Variants in GNAI1 observed in about 807,000 individuals in gnomAD.
The protein encoded by GNAI1 is G protein subunit alpha i1.
A neutral mutation model predicts 38.9 loss-of-function variants in GNAI1; 11 were observed. The observed-to-expected ratio is 0.28, with a 90% CI of 0.18 to 0.47. The LOEUF (loss-of-function observed/expected upper bound fraction) is 0.47, where lower values mean the gene tolerates loss of function less well. Ranked by LOEUF, GNAI1 falls within the 20% of genes least tolerant of loss-of-function variation. GNAI1 has a pLI of 0.99. For synonymous variants in GNAI1, 166 were observed against 145.1 expected, an observed-to-expected ratio of 1.14 and a Z score of -1.04; for missense variants, 317 against 436.9, an observed-to-expected ratio of 0.73 and a Z score of 2.45.
intron 1 of GNAI1, among the ~76,000 whole-genome samples, chr7:80,180,063 T>A (rs73149574): frequency 0.018 from 2,694 of 152,274 alleles, 40 homozygotes; most frequent in South Asian, 0.03. Flanking sequence ...AATTGCAGCT[T>A]GGCATAGGAA....
chr7:80,166,323 T>G (rs1372400662), intron 1 of GNAI1, among the ~76,000 whole-genome samples: 1 of 152,138 alleles, frequency 6.6e-6, no homozygotes, highest in Non-Finnish European at 1.5e-5. Flanking sequence ...AGACATGCAG[T>G]CTTCCAGAAA....
At chr7:80,163,934 G>T (rs1787966721) in intron 1 of GNAI1, among the ~76,000 whole-genome samples, 1 of 145,918 alleles carries the variant, frequency 6.9e-6, no homozygotes, top group African/African-American at 2.5e-5. Flanking sequence ...CTTTTTTAGT[G>T]AATCTATGCT....
At position 80,189,105 on chromosome 7, in the gene GNAI1, T is replaced by C; in HGVS notation, c.177T>C (p.Ala59=). The change falls in exon 3 of 8, where the codon GCT becomes GCC. Residue 59 remains alanine (A), a synonymous_variant. Coordinates refer to ENST00000649796, the MANE Select transcript of GNAI1 (RefSeq NM_002069.6). ...GTCTCATTAGAATTATCCATGAAGCTGGTTATTCAGAAGAGGAGTGTAAAC... is the reference window on the plus strand; with the variant it reads ...GTCTCATTAGAATTATCCATGAAGCCGGTTATTCAGAAGAGGAGTGTAAAC... ...IVKQMKIIHE[A]GYSEEECKQY... 6.2e-7 allele frequency: 1 copy of C among 1,604,688 alleles called. No individual in the cohort carries two copies. Among genetic ancestry groups the C allele is most frequent in the South Asian group, 1.1e-5 (1 of 90,200 alleles).
chr7:80,151,142 T>C (rs1459581346), intron 1 of GNAI1, among the ~76,000 whole-genome samples: 4 of 152,256 alleles, frequency 2.6e-5, no homozygotes. Context: ...CTTTCCCATC[T>C]TGATATCCTT....
intron 4 of GNAI1, among the ~76,000 whole-genome samples, chr7:80,200,572 C>G (rs561851184): frequency 1.3e-5 from 2 of 151,904 alleles, no homozygotes; most frequent in Non-Finnish European, 2.9e-5. Context: ...TTTGAAAGGT[C>G]TAGGTGAATG....
At position 80,212,857 on chromosome 7, in the gene GNAI1, C is replaced by G. The variant is rs772836802; in HGVS notation, c.862C>G (p.Pro288Ala). ...AAAGAGCCCTCTCACTATATGCTATCCAGAATATGCAGGTATTTTCCTTTT... is the reference window on the plus strand; with the variant it reads ...AAAGAGCCCTCTCACTATATGCTATGCAGAATATGCAGGTATTTTCCTTTT... Reference protein sequence around the residue: ...IKKSPLTICYPEYAGSNTYEE... With the variant: ...IKKSPLTICYAEYAGSNTYEE... The change falls in exon 7 of 8, where the codon CCA becomes GCA. Residue 288 changes from proline to alanine, a missense_variant. Coordinates refer to ENST00000649796, the MANE Select transcript of GNAI1 (RefSeq NM_002069.6). The G allele has an allele frequency of 6.4e-7, 1 of 1,561,070 alleles. No individual in the cohort carries two copies. Among genetic ancestry groups the G allele is most frequent in the Non-Finnish European group, 8.6e-7 (1 of 1,158,284 alleles).
intron 1 of GNAI1, among the ~76,000 whole-genome samples, chr7:80,153,053 T>C (rs1787756106): frequency 6.6e-6 from 1 of 152,186 alleles, no homozygotes; most frequent in East Asian, 1.9e-4. Flanking sequence ...TTTAGAAAGA[T>C]TTTTTTAACA....
At chr7:80,148,121 G>A (rs542976107) in intron 1 of GNAI1, among the ~76,000 whole-genome samples, 75 of 152,244 alleles carry the variant, frequency 4.9e-4, no homozygotes, top group African/African-American at 1.8e-3. Context: ...TCTTAAAGAT[G>A]TTTTAGATGA....
intron 1 of GNAI1, among the ~76,000 whole-genome samples, chr7:80,172,234 T>A (rs1219161321): frequency 6.6e-6 from 1 of 152,182 alleles, no homozygotes; most frequent in Non-Finnish European, 1.5e-5. Context: ...GGTCTTTGGG[T>A]CCAGTTCTAG....
At chr7:80,195,537 T>A (rs1300595277) in intron 3 of GNAI1, among the ~76,000 whole-genome samples, 2 of 151,986 alleles carry the variant, frequency 1.3e-5, no homozygotes, top group African/African-American at 2.4e-5. Context: ...TGGTTCAACA[T>A]ACGCAAATCA....
chr7:80,136,023 A>G (rs1176909314), intron 1 of GNAI1: 1 of 985,392 alleles, frequency 1.0e-6, no homozygotes, highest in Non-Finnish European at 1.2e-6. Flanking sequence ...ACGCCAGACA[A>G]CAGGGTTCTG....
intron 7 of GNAI1, among the ~76,000 whole-genome samples, chr7:80,216,585 A>C (rs191485239): frequency 2.0e-5 from 3 of 152,166 alleles, no homozygotes; most frequent in African/African-American, 7.2e-5. Flanking sequence ...CATGTTACTG[A>C]GTACTTTCAT....
chr7:80,179,901 G>A (rs1788259796), intron 1 of GNAI1, among the ~76,000 whole-genome samples: 23 of 152,080 alleles, frequency 1.5e-4, no homozygotes, highest in Admixed American at 1.4e-3. Context: ...TGTCCCAGAG[G>A]ATATATTACC....
chr7:80,175,487 T>C (rs1463978461), intron 1 of GNAI1, among the ~76,000 whole-genome samples: 1 of 151,832 alleles, frequency 6.6e-6, no homozygotes, highest in Non-Finnish European at 1.5e-5. Context: ...GATAGACCGA[T>C]GGATTTAATG....
At position 80,220,168 on chromosome 7, in the gene GNAI1, G is replaced by C. The variant is rs7800163; in HGVS notation, c.*2675G>C. ...TAATGCTCTTCATCACCTGAGGCCT[G>C]TTCCTTTCTACACTGTATCCAAATA... On this transcript the variant is annotated 3_prime_UTR_variant, in exon 8 of 8. Transcript: ENST00000649796. Among the ~76,000 whole-genome samples the C allele has an allele frequency of 1.3e-5, 2 of 151,924 alleles. No homozygotes were observed. Among genetic ancestry groups the C allele is most frequent in the Non-Finnish European group, 2.9e-5 (2 of 68,000 alleles).
intron 1 of GNAI1, among the ~76,000 whole-genome samples, chr7:80,140,576 A>G (rs986520760): frequency 4.6e-5 from 7 of 152,186 alleles, no homozygotes; most frequent in Non-Finnish European, 8.8e-5. Context: ...TAACCAATGT[A>G]TGACTCCCCA....
At chr7:80,203,180 C>T (rs190753098) in intron 4 of GNAI1, among the ~76,000 whole-genome samples, 3 of 152,214 alleles carry the variant, frequency 2.0e-5, no homozygotes, top group East Asian at 1.9e-4. Context: ...TAAAGTGCAG[C>T]GTAAAGGAGT....
chr7:80,216,352 C>A (rs1788968109), intron 7 of GNAI1, among the ~76,000 whole-genome samples: 3 of 152,156 alleles, frequency 2.0e-5, no homozygotes, highest in Admixed American at 2.0e-4. Context: ...ACAATCACAA[C>A]CCATACACAT....
chr7:80,200,731 A>G (rs1429144824), intron 4 of GNAI1, among the ~76,000 whole-genome samples: 2 of 152,120 alleles, frequency 1.3e-5, no homozygotes, highest in Non-Finnish European at 2.9e-5. Flanking sequence ...AATCTTTATA[A>G]CCCTGTATTT....
Sources: gnomAD v4.1 joint callset for allele counts (sites outside exome capture counted in the v4.1 genomes callset) on GRCh38, gnomAD v4.1.1 for gene constraint, MANE v1.5 for transcripts, NCBI Gene and HGNC (gene_info 2026-07-23, HGNC 2026-07-21) for gene names.